The following SNX29 variants were observed in gnomAD, a reference collection of about 807,000 sequenced individuals.
The protein encoded by SNX29 is sorting nexin-29.
Under a neutral mutation model 102.1 loss-of-function variants are expected in SNX29, and 78 were observed. The observed-to-expected ratio is 0.76, with a 90% CI of 0.64 to 0.92. The LOEUF is 0.92. SNX29 is among the 40% of genes least tolerant of loss of function. The probability of loss-of-function intolerance (pLI) is 0.00; values close to 1 mark genes in which losing one functional copy is unlikely to be tolerated. For synonymous variants in SNX29, 580 were observed against 414.5 expected (o/e 1.40, Z -4.85); for missense variants, 1,280 against 1,061.7 (o/e 1.21, Z -2.86).
intron 14 of SNX29, among the ~76,000 whole-genome samples, chr16:12,226,285 G>A (rs1185963726): frequency 2.0e-5 from 3 of 152,166 alleles, no homozygotes; most frequent in Admixed American, 1.3e-4. Flanking sequence ...GTGGATGCTG[G>A]CAGAAGGCAT....
At chr16:12,008,731 G>GTT (rs57686878) in intron 3 of SNX29, among the ~76,000 whole-genome samples, 66 of 139,936 alleles carry the variant, frequency 4.7e-4, no homozygotes, top group African/African-American at 1.2e-3. Context: ...ATTGTATTTA[G>GTT]TTTTTTTTTT....
intron 9 of SNX29, among the ~76,000 whole-genome samples, chr16:12,064,286 C>G (rs970648814): frequency 4.6e-5 from 7 of 152,168 alleles, no homozygotes; most frequent in African/African-American, 1.7e-4. Context: ...GCATGTTGGG[C>G]TTTGGTCTTA....
chr16:12,120,001 T>C (rs963103147), intron 11 of SNX29, among the ~76,000 whole-genome samples: 18 of 152,178 alleles, frequency 1.2e-4, no homozygotes, highest in Non-Finnish European at 2.4e-4. Flanking sequence ...TTTTTCCTCC[T>C]TTATCTTAAC....
chr16:12,320,702 C>T (rs1384739914), intron 15 of SNX29, among the ~76,000 whole-genome samples: 56 of 152,150 alleles, frequency 3.7e-4, no homozygotes, highest in Admixed American at 3.6e-3. Flanking sequence ...TTTCAGGGAA[C>T]TCAGTTTAGA....
chr16:11,990,213 A>G (rs1007672340), intron 1 of SNX29, among the ~76,000 whole-genome samples: 2 of 152,120 alleles, frequency 1.3e-5, no homozygotes, highest in Admixed American at 6.5e-5. Context: ...TGGCTGGAAC[A>G]TTGTTCTCAC....
chr16:12,001,071 G>A (rs2151018995), intron 2 of SNX29, among the ~76,000 whole-genome samples: 1 of 152,304 alleles, frequency 6.6e-6, no homozygotes, highest in South Asian at 2.1e-4. Context: ...CTACTTTAAA[G>A]GTAGCAGTTA....
rs775141168 is a variant in SNX29, at chr16:12,398,513, G to A, written c.1955+12G>A. On this transcript the variant is annotated intron_variant, in intron 17 of 20. Transcript: ENST00000566228. ...TCGGATTTTGAAATGTAAGTCCACA[G>A]CCTGTGCTCACAAGGGGTCCTTTAG... 10 of 1,613,966 alleles carry A rather than the reference G, an allele frequency of 6.2e-6. No individual in the cohort carries two copies. Among genetic ancestry groups the A allele is most frequent in the Middle Eastern group, 1.6e-4 (1 of 6,062 alleles).
intron 14 of SNX29, among the ~76,000 whole-genome samples, chr16:12,219,933 C>T (rs984566850): frequency 2.6e-5 from 4 of 152,214 alleles, no homozygotes; most frequent in Non-Finnish European, 5.9e-5. Context: ...CACACGTGTA[C>T]ACACACGTGC....
At chr16:12,161,579 A>T (rs951110600) in intron 13 of SNX29, among the ~76,000 whole-genome samples, 5 of 152,138 alleles carry the variant, frequency 3.3e-5, no homozygotes, top group Admixed American at 6.6e-5. Context: ...GTTCCCTCCA[A>T]ATCTTACGTT....
At chr16:12,456,123 G>C (rs1424503800) in intron 18 of SNX29, among the ~76,000 whole-genome samples, 1 of 152,172 alleles carries the variant, frequency 6.6e-6, no homozygotes, top group African/African-American at 2.4e-5. Context: ...GCACTGGTCT[G>C]GGTACTAGGG....
intron 20 of SNX29, among the ~76,000 whole-genome samples, chr16:12,543,975 C>T (rs1401090068): frequency 1.3e-5 from 2 of 152,344 alleles, no homozygotes; most frequent in African/African-American, 4.8e-5. Flanking sequence ...GAAATGGTCT[C>T]AGCCAAGGTC....
intron 19 of SNX29, among the ~76,000 whole-genome samples, chr16:12,479,622 T>G (rs957675550): frequency 6.6e-6 from 1 of 152,158 alleles, no homozygotes; most frequent in Admixed American, 6.5e-5. Flanking sequence ...AAGAATTCTT[T>G]TGAAAAGAGG....
chr16:12,541,737 G>A lies in SNX29; in HGVS notation c.2318+16896G>A, dbSNP rs573890277. Among the ~76,000 whole-genome samples, 32 of 152,138 alleles carry A rather than the reference G, an allele frequency of 2.1e-4. 1 individual carries two copies. The highest frequency in any genetic ancestry group is 5.9e-4 in the Admixed American group (9 of 15,294). ...ATTCCTGTCACCTCCTGTCTTTTCC[G>A]TACTGTGCCAGCCAGTGCCTGATAC... is the stretch of plus-strand genomic sequence containing the variant. On this transcript the variant is annotated intron_variant, in intron 20 of 20. Transcript: ENST00000566228.
At chr16:12,332,609 A>G (rs1419559678) in intron 15 of SNX29, among the ~76,000 whole-genome samples, 1 of 152,122 alleles carries the variant, frequency 6.6e-6, no homozygotes, top group Admixed American at 6.6e-5. Context: ...CCCGAGGTCC[A>G]TGGGCAGGTG....
intron 11 of SNX29, among the ~76,000 whole-genome samples, chr16:12,125,789 G>T (rs184748822): frequency 6.6e-6 from 1 of 152,014 alleles, no homozygotes; most frequent in Admixed American, 6.6e-5. Flanking sequence ...GGCAGTACTT[G>T]CCAGGCAAGC....
intron 16 of SNX29, among the ~76,000 whole-genome samples, chr16:12,391,638 C>G (rs2083533227): frequency 1.3e-5 from 2 of 152,172 alleles, no homozygotes; most frequent in African/African-American, 4.8e-5. Context: ...TCCATCCATT[C>G]ATTCATTCAT....
At chr16:12,540,220 A>G (rs1323700058) in intron 20 of SNX29, among the ~76,000 whole-genome samples, 2 of 152,100 alleles carry the variant, frequency 1.3e-5, no homozygotes, top group Admixed American at 1.3e-4. Flanking sequence ...AGGTTAACCT[A>G]CTTCCTGTGG....
intron 16 of SNX29, among the ~76,000 whole-genome samples, chr16:12,384,548 G>A (rs1437608114): frequency 1.3e-5 from 2 of 152,030 alleles, no homozygotes; most frequent in African/African-American, 4.8e-5. Flanking sequence ...TCTTTTGCCT[G>A]GTTTTTAATT....
chr16:12,297,877 T>C (rs2080035301), intron 15 of SNX29, among the ~76,000 whole-genome samples: 1 of 152,110 alleles, frequency 6.6e-6, no homozygotes. Flanking sequence ...GGAACAATAA[T>C]AGCACTTATG....
Sources: allele counts gnomAD v4.1 joint callset (sites outside exome capture counted in the v4.1 genomes callset), GRCh38; gene constraint gnomAD v4.1.1; transcripts MANE v1.5; gene names NCBI Gene and HGNC (gene_info 2026-07-23, HGNC 2026-07-21).